The following ZNF407 variants were observed in gnomAD, a reference collection of about 807,000 sequenced individuals.
ZNF407 encodes zinc finger protein 407.
A neutral mutation model predicts 131.2 loss-of-function variants in ZNF407; 17 were observed. The observed-to-expected ratio is 0.13, with a 90% CI of 0.09 to 0.19. The LOEUF is 0.19. Ranked by LOEUF, ZNF407 falls within the 10% of genes least tolerant of loss-of-function variation. The pLI, the probability that ZNF407 is intolerant of heterozygous loss-of-function variation, is 1.00. For missense variants in ZNF407, 2,681 were observed against 2,830.6 expected (o/e 0.95, Z 1.20); for synonymous variants, 1,156 against 1,062.0 (o/e 1.09, Z -1.72).
chr18:74,644,431 CA>C lies in ZNF407; in HGVS notation c.4802+3310del, dbSNP rs377221330. Reference sequence around the variant, plus strand: ...TTGTGTTTAGAAAATAGGCCAAATGCATATTTTTATTACATCCATGATCTTT... The same window carrying C: ...TTGTGTTTAGAAAATAGGCCAAATGCTATTTTTATTACATCCATGATCTTT... On this transcript the variant is annotated intron_variant, in intron 3 of 8. Coordinates refer to ENST00000299687, the MANE Select transcript of ZNF407 (RefSeq NM_017757.3). Among the ~76,000 whole-genome samples the C allele has an allele frequency of 2.0e-3, 300 of 151,834 alleles. 1 individual carries two copies. Among genetic ancestry groups the C allele is most frequent in the African/African-American group, 6.9e-3 (286 of 41,496 alleles).
At chr18:74,780,923 G>T (rs79599674) in intron 3 of ZNF407, among the ~76,000 whole-genome samples, 1 of 152,010 alleles carries the variant, frequency 6.6e-6, no homozygotes, top group Non-Finnish European at 1.5e-5. Context: ...ATAATTTTTT[G>T]TGCTATAGAT....
rs1186674818 is a variant in ZNF407 at position 75,061,515 on chromosome 18, GC to G, written c.5429-1633del. The G allele has an allele frequency of 1.3e-5, 2 of 152,438 alleles. 1 individual carries two copies. The highest frequency in any genetic ancestry group is 1.3e-4 in the Admixed American group (2 of 15,288). The allele number at this position is 152,438 out of a possible 1,614,324, so 9.4% of individuals were successfully genotyped here. The stretch of plus-strand genomic sequence containing the variant: ...TTGAGGAGGGTGTGATGTGCGCCTG[GC>G]CGTGTGCCCTCGTGCAGCGCCTCCC... On this transcript the variant is annotated intron_variant, in intron 8 of 8. Coordinates refer to ENST00000299687, the MANE Select transcript of ZNF407 (RefSeq NM_017757.3).
At position 75,064,111 on chromosome 18, in the gene ZNF407, C is replaced by T. The variant is rs374429938; in HGVS notation, c.6390C>T (p.Gly2130=). The T allele has an allele frequency of 2.5e-5, 40 of 1,595,198 alleles. No homozygotes were observed. Among genetic ancestry groups the T allele is most frequent in the Non-Finnish European group, 2.8e-5 (33 of 1,171,414 alleles). The change falls in exon 9 of 9, where the codon GGC becomes GGT. Residue 2130 remains glycine (G), a synonymous_variant. Transcript: ENST00000299687. ...GAQIIMQEAQ[G]EHMDLVESDG... The stretch of plus-strand genomic sequence containing the variant: ...AGATCATCATGCAGGAGGCGCAGGG[C>T]GAGCACATGGATCTGGTGGAGTCCG...
chr18:74,713,149 CA>C (rs1326432738), intron 3 of ZNF407, among the ~76,000 whole-genome samples: 1 of 152,176 alleles, frequency 6.6e-6, no homozygotes, highest in African/African-American at 2.4e-5. Flanking sequence ...TCTCTGAGCA[CA>C]CTGGCAGATG....
intron 3 of ZNF407, among the ~76,000 whole-genome samples, chr18:74,679,069 C>T (rs1022711773): frequency 6.6e-6 from 1 of 151,812 alleles, no homozygotes; most frequent in Non-Finnish European, 1.5e-5. Flanking sequence ...TGTGGGGACT[C>T]AGCGGTTAAA....
At chr18:74,917,804 T>C (rs576963912) in intron 7 of ZNF407, among the ~76,000 whole-genome samples, 1 of 152,370 alleles carries the variant, frequency 6.6e-6, no homozygotes, top group Admixed American at 6.5e-5. Context: ...GATTGGTGAT[T>C]GTCTTTGATG....
intron 4 of ZNF407, among the ~76,000 whole-genome samples, chr18:74,847,150 AT>A (rs1220038656): frequency 1.3e-5 from 2 of 152,150 alleles, no homozygotes; most frequent in Admixed American, 6.5e-5. Context: ...TTTAAGATTA[AT>A]TTTTTACATG....
At chr18:74,835,196 C>G (rs1458183600) in intron 4 of ZNF407, among the ~76,000 whole-genome samples, 1 of 152,162 alleles carries the variant, frequency 6.6e-6, no homozygotes, top group Non-Finnish European at 1.5e-5. Flanking sequence ...CAAACCCACG[C>G]TTATAGCTCT....
At chr18:75,018,322 A>G (rs995235398) in intron 8 of ZNF407, among the ~76,000 whole-genome samples, 1 of 152,012 alleles carries the variant, frequency 6.6e-6, no homozygotes, top group African/African-American at 2.4e-5. Flanking sequence ...GGAGGAGAAA[A>G]AAGTAAATGA....
chr18:74,806,800 A>G (rs929624530), intron 4 of ZNF407, among the ~76,000 whole-genome samples: 4 of 152,258 alleles, frequency 2.6e-5, no homozygotes, highest in African/African-American at 9.6e-5. Flanking sequence ...TAAGGAGTAA[A>G]TAGAGTGAGA....
chr18:75,011,853 T>A (rs1228781362), intron 8 of ZNF407, among the ~76,000 whole-genome samples: 1 of 152,174 alleles, frequency 6.6e-6, no homozygotes, highest in Non-Finnish European at 1.5e-5. Context: ...GAAATATAAT[T>A]TGTTGAAAGT....
intron 4 of ZNF407, among the ~76,000 whole-genome samples, chr18:74,801,935 G>T (rs1970027368): frequency 6.6e-6 from 1 of 152,036 alleles, no homozygotes; most frequent in Non-Finnish European, 1.5e-5. Flanking sequence ...AGAAGAAAGT[G>T]CTCTTCCTTA....
intron 8 of ZNF407, among the ~76,000 whole-genome samples, chr18:74,987,047 T>C (rs550772411): frequency 4.9e-4 from 74 of 152,310 alleles, no homozygotes; most frequent in African/African-American, 1.6e-3. Flanking sequence ...TTATTCTCGA[T>C]GGGCAACCCC....
intron 3 of ZNF407, among the ~76,000 whole-genome samples, chr18:74,692,392 A>G (rs993293187): frequency 1.3e-5 from 2 of 152,032 alleles, no homozygotes; most frequent in East Asian, 3.9e-4. Context: ...AGCTTTCCAC[A>G]GGCCCCGCAT....
intron 3 of ZNF407, among the ~76,000 whole-genome samples, chr18:74,676,243 T>C (rs1205928851): frequency 6.6e-6 from 1 of 151,354 alleles, no homozygotes; most frequent in Non-Finnish European, 1.5e-5. Context: ...AGATGCATGC[T>C]GCCACGCCCG....
intron 2 of ZNF407, among the ~76,000 whole-genome samples, chr18:74,638,564 G>A (rs1204796299): frequency 6.6e-6 from 1 of 152,188 alleles, no homozygotes; most frequent in Non-Finnish European, 1.5e-5. Context: ...TGATGGTTGA[G>A]GAGCCCTCGT....
In ZNF407 at chr18:74,897,370, C is replaced by A. The variant is rs1365180992; in HGVS notation, c.5249+7332C>A. On this transcript the variant is annotated intron_variant, in intron 7 of 8. Transcript: ENST00000299687. ...ATGTAGCTTAAATAGGCATTGGGAT[C>A]ACAGATTAATTAGAAGAGTCATTTT... is the stretch of plus-strand genomic sequence containing the variant. Among the ~76,000 whole-genome samples the A allele has an allele frequency of 2.0e-5, 3 of 152,150 alleles. No individual in the cohort carries two copies. The East Asian group carries it at 5.8e-4, about 29-fold the overall frequency.
At chr18:75,020,882 G>A (rs1303715810) in intron 8 of ZNF407, among the ~76,000 whole-genome samples, 1 of 152,160 alleles carries the variant, frequency 6.6e-6, no homozygotes, top group Non-Finnish European at 1.5e-5. Flanking sequence ...GAAGTTAGAA[G>A]ATATGAAAAC....
At chr18:74,752,201 C>T (rs1968822389) in intron 3 of ZNF407, among the ~76,000 whole-genome samples, 1 of 151,998 alleles carries the variant, frequency 6.6e-6, no homozygotes, top group Admixed American at 6.5e-5. Flanking sequence ...ATATCCTTTG[C>T]CCACTTTTTG....
Sources: allele counts gnomAD v4.1 joint callset (sites outside exome capture counted in the v4.1 genomes callset), GRCh38; gene constraint gnomAD v4.1.1; transcripts MANE v1.5; gene names NCBI Gene and HGNC (gene_info 2026-07-23, HGNC 2026-07-21).